Variants in ANKRD36C observed in about 807,000 individuals in gnomAD.
ANKRD36C encodes ankyrin repeat domain 36C.
In ANKRD36C, 61 loss-of-function variants were observed where a neutral mutation model predicts 276.4. The ratio of observed to expected loss-of-function variants is 0.22; its 90% CI spans 0.18 to 0.27. The LOEUF (loss-of-function observed/expected upper bound fraction) is 0.27. Ranked by LOEUF, ANKRD36C falls within the 10% of genes least tolerant of loss-of-function variation. ANKRD36C has a pLI of 1.00. For missense variants in ANKRD36C, 1,447 were observed against 2,032.3 expected (o/e 0.71, Z 5.54); for synonymous variants, 483 against 680.1 (o/e 0.71, Z 4.51).
At chr2:95,986,801 T>G (rs761548956) in exon 3 of ANKRD36C, 28 of 1,612,014 alleles carry the variant, frequency 1.7e-5, no homozygotes, top group Non-Finnish European at 2.2e-5. Flanking sequence ...TTTTCTATCA[T>G]GGATGTATCT....
rs1358923763 is a variant in ANKRD36C at position 95,880,634 on chromosome 2, A to T, written c.3368-11T>A. On this transcript the variant is annotated splice_polypyrimidine_tract_variant and intron_variant, in intron 56 of 66. Transcript: ENST00000456556. ...GATTCTCAGGATACTCTAACAAGCA[A>T]GAGAAATATATAATCAATCATATGT... 2 of 1,518,326 alleles carry T rather than the reference A, an allele frequency of 1.3e-6. No homozygotes were observed. The highest frequency in any genetic ancestry group is 1.2e-5 in the South Asian group (1 of 83,330). The allele number at this position is 1,518,326 out of a possible 1,614,324, so 94.1% of individuals were successfully genotyped here. A position where few individuals can be genotyped will look rare whatever the true frequency, so the allele number is the denominator to read the frequency against.
chr2:95,959,509 T>G (rs1235991280), intron 10 of ANKRD36C, among the ~76,000 whole-genome samples: 6 of 152,206 alleles, frequency 3.9e-5, no homozygotes, highest in Admixed American at 3.3e-4. Context: ...TTTGGCATAC[T>G]TATACAAAAT....
chr2:95,945,812 C>G (rs1350686806), intron 17 of ANKRD36C, among the ~76,000 whole-genome samples: 1 of 152,242 alleles, frequency 6.6e-6, no homozygotes, highest in African/African-American at 2.4e-5. Context: ...ACAACAGAAA[C>G]AGAGGTGAAA....
chr2:95,880,378 C>G, intron 58 of ANKRD36C, 49 bp downstream of exon 78: 1 of 1,309,302 alleles, frequency 7.6e-7, no homozygotes, highest in Non-Finnish European at 1.1e-6. Flanking sequence ...GCATTACAAA[C>G]AGATTAATGT....
intron 59 of ANKRD36C, among the ~76,000 whole-genome samples, chr2:95,870,326 G>A (rs907648651): frequency 7.9e-5 from 12 of 152,132 alleles, no homozygotes; most frequent in African/African-American, 2.9e-4. Flanking sequence ...ACTCCCAGAG[G>A]AACGATCACA....
intron 26 of ANKRD36C, 113 bp downstream of exon 26, chr2:95,928,959 C>T (rs965280413): frequency 1.7e-5 from 26 of 1,501,426 alleles, no homozygotes; most frequent in African/African-American, 2.8e-5. Flanking sequence ...GAATCTCAGG[C>T]ATACTGAATC....
chr2:95,924,145 T>C (rs1295803041), intron 30 of ANKRD36C, among the ~76,000 whole-genome samples: 1 of 151,644 alleles, frequency 6.6e-6, no homozygotes, highest in East Asian at 1.9e-4. Flanking sequence ...AGGTACACAA[T>C]TACAATGACA....
At position 95,856,260 on chromosome 2, in the gene ANKRD36C, C is replaced by T. The variant is rs1327054813; in HGVS notation, c.4081-80G>A. The T allele has an allele frequency of 3.0e-5, 48 of 1,584,414 alleles. No individual in the cohort carries two copies. The East Asian group carries it at 3.4e-4, about 11-fold the overall frequency. On this transcript the variant is annotated intron_variant, in intron 62 of 66. Coordinates refer to ENST00000456556, the Ensembl canonical transcript of ANKRD36C. The stretch of plus-strand genomic sequence containing the variant: ...ATTGCTTCTGAAATTAAATAATAAC[C>T]CGAACATTTATACAATGAGAGGTTG...
At chr2:95,967,678 T>C (rs1319473999) in intron 6 of ANKRD36C, among the ~76,000 whole-genome samples, 2 of 152,048 alleles carry the variant, frequency 1.3e-5, no homozygotes, top group East Asian at 3.9e-4. Context: ...TATATATATG[T>C]ACAGTGGCTC....
At chr2:95,946,394 A>G (rs1222171617) in intron 17 of ANKRD36C, among the ~76,000 whole-genome samples, 1 of 143,462 alleles carries the variant, frequency 7.0e-6, no homozygotes, top group Non-Finnish European at 1.5e-5. Context: ...CAATCATTAA[A>G]AAGTCAGGAA....
At chr2:95,902,495 G>A (rs1676683126) in intron 42 of ANKRD36C, among the ~76,000 whole-genome samples, 1 of 150,500 alleles carries the variant, frequency 6.6e-6, no homozygotes, top group Non-Finnish European at 1.5e-5. Context: ...GTGTCTACGG[G>A]TTGTTACAAC....
At chr2:95,894,844 G>C (rs1676489445) in intron 44 of ANKRD36C, among the ~76,000 whole-genome samples, 1 of 151,164 alleles carries the variant, frequency 6.6e-6, no homozygotes, top group Admixed American at 6.6e-5. Flanking sequence ...TTATGGAAAT[G>C]TTCCAAATGA....
At chr2:95,897,139 T>G (rs1676575855) in intron 44 of ANKRD36C, 131 bp downstream of exon 60, 1 of 1,098,658 alleles carries the variant, frequency 9.1e-7, no homozygotes, top group African/African-American at 1.6e-5. Flanking sequence ...CAAACTTATT[T>G]GAAATGAAGA....
chr2:95,862,243 C>T (rs958024894), intron 60 of ANKRD36C, among the ~76,000 whole-genome samples: 5 of 151,988 alleles, frequency 3.3e-5, no homozygotes, highest in South Asian at 2.1e-4. Context: ...CAAGTACCCA[C>T]GGAACACTTA....
chr2:95,855,337 T>C (rs767596571), exon 63 of ANKRD36C: 12 of 1,611,054 alleles, frequency 7.4e-6, no homozygotes, highest in Non-Finnish European at 9.3e-6. Context: ...TTCACCAACA[T>C]TTTATTGTCT....
At chr2:95,856,561 A>G (rs1675416852) in intron 62 of ANKRD36C, among the ~76,000 whole-genome samples, 1 of 152,158 alleles carries the variant, frequency 6.6e-6, no homozygotes, top group Admixed American at 6.5e-5. Context: ...CTATAGTGAG[A>G]GCCTTAGCTT....
chr2:95,853,125 C>T lies in ANKRD36C; in HGVS notation c.5148+584G>A, dbSNP rs1379785163. 2.0e-5 allele frequency: 3 copies of T among 152,966 alleles called. No homozygotes were observed. In the Admixed American group the frequency reaches 2.0e-4, roughly 10 times the overall value. 9.5% of individuals were successfully genotyped at this position (152,966 alleles called of 1,614,324 possible). ...CGAACTGTCCATATTCATATAGAGACAGAGTGTGCTCTCTGAGCCCAATAC... is the reference window on the plus strand; with the variant it reads ...CGAACTGTCCATATTCATATAGAGATAGAGTGTGCTCTCTGAGCCCAATAC... On this transcript the variant is annotated intron_variant, in intron 64 of 66. Coordinates refer to ENST00000456556, the Ensembl canonical transcript of ANKRD36C.
chr2:95,865,167 TAAACTAA>T (rs1208305647), intron 60 of ANKRD36C, among the ~76,000 whole-genome samples: 1 of 151,938 alleles, frequency 6.6e-6, no homozygotes, highest in Non-Finnish European at 1.5e-5. Flanking sequence ...AAAAGACCTA[TAAACTAA>T]AAACTACAAA....
At chr2:95,954,243 A>G (rs893633925) in intron 13 of ANKRD36C, among the ~76,000 whole-genome samples, 1 of 152,194 alleles carries the variant, frequency 6.6e-6, no homozygotes, top group South Asian at 2.1e-4. Flanking sequence ...GAAATATCCA[A>G]TGCAGACTCA....
Sources: allele counts gnomAD v4.1 joint callset (sites outside exome capture counted in the v4.1 genomes callset), GRCh38; gene constraint gnomAD v4.1.1; transcripts MANE v1.5; gene names NCBI Gene and HGNC (gene_info 2026-07-23, HGNC 2026-07-21).